The following RALGAPA1 variants were observed in gnomAD, a reference collection of about 807,000 sequenced individuals.
The protein encoded by RALGAPA1 is ral GTPase-activating protein subunit alpha-1.
A neutral mutation model predicts 269.6 loss-of-function variants in RALGAPA1; 52 were observed. The observed-to-expected ratio is 0.19, with a 90% CI of 0.15 to 0.24. The LOEUF (loss-of-function observed/expected upper bound fraction) is 0.24. Among genes scored for constraint, RALGAPA1 ranks in the 10% least tolerant of loss-of-function variants. The pLI is 1.00. For synonymous variants in RALGAPA1, 817 were observed against 1,008.3 expected, an observed-to-expected ratio of 0.81 and a Z score of 3.60; for missense variants, 1,917 against 3,013.9, an observed-to-expected ratio of 0.64 and a Z score of 8.52.
intron 13 of RALGAPA1, among the ~76,000 whole-genome samples, chr14:35,727,379 G>C (rs2141006436): frequency 7.1e-6 from 1 of 141,388 alleles, no homozygotes; most frequent in African/African-American, 2.6e-5. Context: ...TGTGTGGTTT[G>C]ATGAGCTAGA....
intron 26 of RALGAPA1, among the ~76,000 whole-genome samples, chr14:35,666,825 T>C (rs2063986262): frequency 6.6e-6 from 1 of 152,212 alleles, no homozygotes; most frequent in Admixed American, 6.5e-5. Context: ...TGAAAAAAGC[T>C]GCAGGAAATG....
At chr14:35,555,725 G>A (rs1247890090) in intron 39 of RALGAPA1, among the ~76,000 whole-genome samples, 1 of 152,174 alleles carries the variant, frequency 6.6e-6, no homozygotes, top group Non-Finnish European at 1.5e-5. Context: ...AATAAGGCTT[G>A]CCTGAATGGA....
At chr14:35,768,238 A>G (rs992987688) in intron 4 of RALGAPA1, among the ~76,000 whole-genome samples, 1 of 152,148 alleles carries the variant, frequency 6.6e-6, no homozygotes, top group African/African-American at 2.4e-5. Context: ...AAGTGAGGCT[A>G]GCTTAAAAAA....
At chr14:35,761,872 A>G (rs1203968142) in intron 5 of RALGAPA1, among the ~76,000 whole-genome samples, 1 of 152,240 alleles carries the variant, frequency 6.6e-6, no homozygotes, top group Non-Finnish European at 1.5e-5. Flanking sequence ...GAAAAGCTAC[A>G]GGAAGGCTTA....
Position 35,775,821 on chromosome 14 carries a change from T to C in RALGAPA1, c.107-76A>G, listed in dbSNP as rs1296459685. The C allele has an allele frequency of 2.2e-6, 3 of 1,339,168 alleles. No homozygotes were observed. In the Admixed American group the frequency reaches 1.0e-4, roughly 46 times the overall value. The allele number at this position is 1,339,168 out of a possible 1,614,324, so 83.0% of individuals were successfully genotyped here. On this transcript the variant is annotated intron_variant, in intron 1 of 41. Transcript: ENST00000680220. ...TTTAGCAAATATTCAGCGACAAGTT[T>C]CCTTCAAAGTCAAAGAACTGCTCCT...
At chr14:35,647,125 A>G (rs777361679) in intron 31 of RALGAPA1, among the ~76,000 whole-genome samples, 1 of 152,180 alleles carries the variant, frequency 6.6e-6, no homozygotes, top group Non-Finnish European at 1.5e-5. Flanking sequence ...TCAATTCTCT[A>G]TGAAGAATAG....
chr14:35,546,735 T>C (rs1055945210), intron 41 of RALGAPA1, among the ~76,000 whole-genome samples: 5 of 152,198 alleles, frequency 3.3e-5, no homozygotes, highest in Non-Finnish European at 7.4e-5. Flanking sequence ...CTTTACACTA[T>C]TATGTCATTT....
intron 41 of RALGAPA1, chr14:35,542,034 CA>C (rs1381228930): frequency 8.0e-7 from 1 of 1,250,560 alleles, no homozygotes; most frequent in Non-Finnish European, 1.0e-6. Context: ...TACCAACTAA[CA>C]AAACAAGTTC....
At chr14:35,714,730 G>A (rs2068658656) in intron 16 of RALGAPA1, among the ~76,000 whole-genome samples, 1 of 152,004 alleles carries the variant, frequency 6.6e-6, no homozygotes, top group Non-Finnish European at 1.5e-5. Context: ...TTGCATCTCG[G>A]ACTTTAATTC....
rs2061049462 is a variant in RALGAPA1, at chr14:35,627,197, G to C, written c.6750C>G (p.Asn2250Lys). The change falls in exon 34 of 42, where the codon AAC becomes AAG. Residue 2250 changes from asparagine (N) to lysine (K), a missense_variant. Around this residue, in one of 11 missense-constraint regions of RALGAPA1, gnomAD observed 132 missense variants for 271.2 expected, o/e 0.49. Coordinates refer to ENST00000680220, the MANE Select transcript of RALGAPA1 (RefSeq NM_001346249.2). ...EFVEKHFNDL[N>K]MKAVEQDEPI... ...GTTCATCTTGTTCCACAGCTTTCATGTTTAAGTCATTAAAGTGCTTCTCAA... is the reference window on the plus strand; with the variant it reads ...GTTCATCTTGTTCCACAGCTTTCATCTTTAAGTCATTAAAGTGCTTCTCAA... 1 of 1,598,162 alleles carries C rather than the reference G, an allele frequency of 6.3e-7. No individual in the cohort carries two copies. The highest frequency in any genetic ancestry group is 8.5e-7 in the Non-Finnish European group (1 of 1,175,854).
intron 16 of RALGAPA1, among the ~76,000 whole-genome samples, chr14:35,706,305 T>G (rs564587703): frequency 1.6e-4 from 25 of 152,194 alleles, no homozygotes; most frequent in Non-Finnish European, 2.5e-4. Context: ...GAGTTAATTT[T>G]TGTGAAAGAT....
intron 2 of RALGAPA1, 72 bp from the exon 3 acceptor site, chr14:35,775,127 G>T: frequency 1.1e-6 from 1 of 876,390 alleles, no homozygotes; most frequent in Non-Finnish European, 1.8e-6. Flanking sequence ...AATATTTCAA[G>T]AATGAAGGTT....
At chr14:35,642,957 G>C (rs1468510274) in intron 31 of RALGAPA1, among the ~76,000 whole-genome samples, 1 of 152,158 alleles carries the variant, frequency 6.6e-6, no homozygotes, top group East Asian at 1.9e-4. Context: ...TGATAGACTA[G>C]ATTAAGAAAA....
chr14:35,763,002 T>G (rs2073855351), intron 4 of RALGAPA1, among the ~76,000 whole-genome samples: 1 of 152,142 alleles, frequency 6.6e-6, no homozygotes. Flanking sequence ...GAAATTGCAT[T>G]TAACACAACA....
chr14:35,583,582 T>C (rs757026671), intron 37 of RALGAPA1, among the ~76,000 whole-genome samples: 17 of 152,154 alleles, frequency 1.1e-4, no homozygotes, highest in Non-Finnish European at 2.2e-4. Context: ...TTAATGTCAG[T>C]CATAAACCCA....
chr14:35,644,865 G>A lies in RALGAPA1; in HGVS notation c.5676+6940C>T, dbSNP rs144718313. Among the ~76,000 whole-genome samples the A allele has an allele frequency of 1.3e-4, 20 of 152,276 alleles. No homozygotes were observed. In the East Asian group the frequency reaches 3.5e-3, roughly 26 times the overall value. On this transcript the variant is annotated intron_variant, in intron 31 of 41. Transcript: ENST00000680220. The stretch of plus-strand genomic sequence containing the variant: ...AACACCATGGCACTTGTCTACCCAT[G>A]TAACAAACCTGCACATTCTGCACAT...
At chr14:35,559,991 T>C (rs4981297) in intron 39 of RALGAPA1, among the ~76,000 whole-genome samples, 18,218 of 152,194 alleles carry the variant, frequency 0.12, 1,147 homozygotes, top group South Asian at 0.14. Context: ...CTTAGTCTCA[T>C]TGAGAAAATG....
intron 39 of RALGAPA1, among the ~76,000 whole-genome samples, chr14:35,550,906 T>C (rs2054936376): frequency 6.6e-6 from 1 of 152,162 alleles, no homozygotes. Context: ...TTTTTGAGTC[T>C]TAACATAAAC....
intron 1 of RALGAPA1, among the ~76,000 whole-genome samples, chr14:35,776,513 A>G (rs561869756): frequency 6.6e-6 from 1 of 152,226 alleles, no homozygotes; most frequent in South Asian, 2.1e-4. Flanking sequence ...TACTGCTCTA[A>G]AGAAACTGTC....
Sources: gnomAD v4.1 joint callset for allele counts (sites outside exome capture counted in the v4.1 genomes callset) on GRCh38, gnomAD v4.1.1 for gene constraint, gnomAD v4.1.1 regional missense constraint, MANE v1.5 for transcripts, NCBI Gene and HGNC (gene_info 2026-07-23, HGNC 2026-07-21) for gene names.